C4orf50: variants seen among roughly 807,000 people sequenced by gnomAD.
The protein encoded by C4orf50 is uncharacterized protein C4orf50.
Under a neutral mutation model 77.2 loss-of-function variants are expected in C4orf50, and 80 were observed. That is an observed-to-expected ratio of 1.04 (90% CI 0.87 to 1.25). C4orf50 has a LOEUF of 1.25. C4orf50 is among the 50% of genes most tolerant of loss of function. The pLI is 0.00. For synonymous variants in C4orf50, 532 were observed against 465.3 expected, an observed-to-expected ratio of 1.14 and a Z score of -1.84; for missense variants, 1,257 against 1,152.9, an observed-to-expected ratio of 1.09 and a Z score of -1.31.
At chr4:5,986,672 G>A (rs887263446) in intron 28 of C4orf50, among the ~76,000 whole-genome samples, 6 of 151,812 alleles carry the variant, frequency 4.0e-5, no homozygotes, top group Non-Finnish European at 7.4e-5. Flanking sequence ...CCAAGCAGCT[G>A]GGACTACAGG....
At chr4:5,969,327 T>C (rs1719766987) in intron 31 of C4orf50, among the ~76,000 whole-genome samples, 1 of 150,886 alleles carries the variant, frequency 6.6e-6, no homozygotes, top group African/African-American at 2.4e-5. Context: ...ACTGGGGGAG[T>C]TCAGGGCTTT....
chr4:5,964,189 A>T (rs1325585808), intron 33 of C4orf50, among the ~76,000 whole-genome samples: 1 of 152,152 alleles, frequency 6.6e-6, no homozygotes, highest in Non-Finnish European at 1.5e-5. Flanking sequence ...TGCAGGAAGG[A>T]GCCAGCTGAG....
At chr4:5,927,537 G>C (rs1197065046) in intron 7 of C4orf50, among the ~76,000 whole-genome samples, 1 of 151,866 alleles carries the variant, frequency 6.6e-6, no homozygotes, top group Non-Finnish European at 1.5e-5. Context: ...TTAGATCATG[G>C]GGGAGGTTCC....
chr4:5,945,963 G>A (rs1312413546), intron 7 of C4orf50, among the ~76,000 whole-genome samples: 1 of 152,184 alleles, frequency 6.6e-6, no homozygotes, highest in East Asian at 1.9e-4. Context: ...GCCAATGGGA[G>A]GCACAAGGAG....
intron 28 of C4orf50, among the ~76,000 whole-genome samples, chr4:5,985,385 T>C (rs574165110): frequency 5.9e-5 from 9 of 151,850 alleles, no homozygotes; most frequent in Non-Finnish European, 8.8e-5. Flanking sequence ...GAGTAATATA[T>C]AACAAAAATA....
rs1430577471 is a variant in C4orf50 at position 5,958,330 on chromosome 4, C to T, written c.*1045G>A. ...GTGCTGGATGGGAACGATGCAGTGA[C>T]TGCTTGCAGCTGGCTTGACAAGAGC... On this transcript the variant is annotated 3_prime_UTR_variant, in exon 34 of 34. Transcript: ENST00000531445. The surrounding 1 kb of genome is among the most constrained non-coding windows in gnomAD (Gnocchi z 5.4). 1 of 152,240 alleles carries T rather than the reference C, an allele frequency of 6.6e-6. No homozygotes were observed. Among genetic ancestry groups the T allele is most frequent in the Non-Finnish European group, 1.5e-5 (1 of 68,060 alleles). 9.4% of individuals were successfully genotyped at this position (152,240 alleles called of 1,614,324 possible).
intron 7 of C4orf50, among the ~76,000 whole-genome samples, chr4:5,948,637 T>C (rs1718587875): frequency 6.6e-6 from 1 of 151,956 alleles, no homozygotes; most frequent in African/African-American, 2.4e-5. Flanking sequence ...TCTAATAAAA[T>C]ACAAAAAATT....
chr4:5,993,833 AAAATAAAAAT>A (rs1222348971), intron 26 of C4orf50, among the ~76,000 whole-genome samples: 5 of 138,952 alleles, frequency 3.6e-5, no homozygotes, highest in Admixed American at 7.1e-5. Context: ...ATAAAATAAA[AAAATAAAAAT>A]AAATAAAAAT....
At chr4:5,943,873 A>G (rs1718374233) in intron 7 of C4orf50, among the ~76,000 whole-genome samples, 1 of 152,178 alleles carries the variant, frequency 6.6e-6, no homozygotes, top group Admixed American at 6.5e-5. Context: ...TCCTTTTGAG[A>G]GTGAAGATAA....
At chr4:5,955,419 C>A (rs1481793408), downstream of C4orf50, among the ~76,000 whole-genome samples, 1 of 152,124 alleles carries the variant, frequency 6.6e-6, no homozygotes, top group Non-Finnish European at 1.5e-5. The surrounding 1 kb of genome is among the most constrained non-coding windows in gnomAD (Gnocchi z 5.1). Context: ...TGGTCACACA[C>A]CTGGGCTGTG....
intron 29 of C4orf50, 68 bp from the exon 8 acceptor site, chr4:5,976,023 C>G: frequency 7.5e-7 from 1 of 1,338,352 alleles, no homozygotes; most frequent in Non-Finnish European, 1.1e-6. Context: ...CTTCCCCAGG[C>G]AAGCTGGGCT....
At chr4:5,951,666 C>T (rs761283301) in intron 7 of C4orf50, among the ~76,000 whole-genome samples, 1 of 152,180 alleles carries the variant, frequency 6.6e-6, no homozygotes, top group African/African-American at 2.4e-5. Flanking sequence ...AAATAACAGT[C>T]CTTCCAACAG....
chr4:5,910,944 C>T (rs1323100148), intron 7 of C4orf50, among the ~76,000 whole-genome samples: 36 of 117,912 alleles, frequency 3.1e-4, no homozygotes, highest in Non-Finnish European at 5.1e-4. Flanking sequence ...GAGTCTCTGT[C>T]GCCCAGGCTG....
chr4:5,934,803 G>T (rs940311644), intron 7 of C4orf50, among the ~76,000 whole-genome samples: 1 of 152,202 alleles, frequency 6.6e-6, no homozygotes, highest in Non-Finnish European at 1.5e-5. Context: ...CTATTATTGT[G>T]TACTCACTAT....
At chr4:5,948,390 C>A (rs888672009) in intron 7 of C4orf50, among the ~76,000 whole-genome samples, 4 of 152,160 alleles carry the variant, frequency 2.6e-5, no homozygotes, top group Admixed American at 2.6e-4. Flanking sequence ...CAGGGCTGGG[C>A]GTGGTGGCTT....
intron 25 of C4orf50, among the ~76,000 whole-genome samples, chr4:6,005,322 G>A (rs564803266): frequency 6.6e-6 from 1 of 152,316 alleles, no homozygotes; most frequent in Non-Finnish European, 1.5e-5. Context: ...GGCCAGCCTA[G>A]AGTGCAGCCT....
At position 6,018,054 on chromosome 4, in the gene C4orf50, G is replaced by A; in HGVS notation, c.287+91C>T. On this transcript the variant is annotated intron_variant, in intron 23 of 33. Coordinates refer to ENST00000531445, the Ensembl canonical transcript of C4orf50. This position sits in a 1 kb window ranked among gnomAD's most constrained non-coding sequence, Gnocchi z 5.1. ...CTTTGGTGAGCCAGTTTCCCCAGCT[G>A]TGTGGTGTGATTCAACACACCATGG... is the stretch of plus-strand genomic sequence containing the variant. 5.0e-6 allele frequency: 2 copies of A among 397,736 alleles called. No individual in the cohort carries two copies. Among genetic ancestry groups the A allele is most frequent in the Non-Finnish European group, 8.8e-6 (2 of 226,012 alleles). The allele number at this position is 397,736 out of a possible 1,614,324, so 24.6% of individuals were successfully genotyped here.
chr4:5,897,927 T>A (rs1331483325), exon 8 of C4orf50: 3 of 152,168 alleles, frequency 2.0e-5, no homozygotes, highest in South Asian at 4.1e-4. Context: ...ACCACTCCCG[T>A]GTGAACCAAG....
Position 5,905,963 on chromosome 4 carries a change from G to A in C4orf50, c.*2475-7775C>T, listed in dbSNP as rs779816502. ...CGGATGCCCTGCTTGCCCTCCTCAC[G>A]TTACAGAGGGTGACATAGGAATCAT... On this transcript the variant is annotated intron_variant, in intron 7 of 7. Coordinates refer to the C4orf50 transcript ENST00000324058. The surrounding 1 kb of genome is among the most constrained non-coding windows in gnomAD (Gnocchi z 5.4). Among the ~76,000 whole-genome samples the A allele has an allele frequency of 2.1e-4, 32 of 152,110 alleles. No homozygotes were observed. Among genetic ancestry groups the A allele is most frequent in the Non-Finnish European group, 4.1e-4 (28 of 68,014 alleles).
Sources: gnomAD v4.1 joint callset for allele counts (sites outside exome capture counted in the v4.1 genomes callset) on GRCh38, gnomAD v4.1.1 for gene constraint, Gnocchi (gnomAD v3.1) non-coding constraint, MANE v1.5 for transcripts, NCBI Gene and HGNC (gene_info 2026-07-23, HGNC 2026-07-21) for gene names.